RSPH9: variants seen among roughly 807,000 people sequenced by gnomAD.
The protein encoded by RSPH9 is radial spoke head protein 9 homolog.
In RSPH9, 27 loss-of-function variants were observed where a neutral mutation model predicts 27.0. The ratio of observed to expected loss-of-function variants is 1.00; its 90% CI spans 0.74 to 1.38. The LOEUF is 1.38. Among genes scored for constraint, RSPH9 ranks in the 40% most tolerant of loss-of-function variants. The pLI is 0.00. For missense variants in RSPH9, 347 were observed against 357.4 expected, an observed-to-expected ratio of 0.97 and a Z score of 0.24; for synonymous variants, 145 against 147.7, an observed-to-expected ratio of 0.98 and a Z score of 0.13.
chr6:43,664,558 C>T (rs1772956538), intron 4 of RSPH9, among the ~76,000 whole-genome samples: 1 of 152,162 alleles, frequency 6.6e-6, no homozygotes, highest in South Asian at 2.1e-4. Context: ...GCAAGGCAAA[C>T]CAGGAATCAT....
intron 1 of RSPH9, among the ~76,000 whole-genome samples, chr6:43,648,963 C>G (rs889373258): frequency 6.6e-6 from 1 of 152,066 alleles, no homozygotes; most frequent in African/African-American, 2.4e-5. Context: ...ATGGCCTTCT[C>G]CCAAGCAGTT....
chr6:43,651,524 G>T (rs565164074), intron 2 of RSPH9, among the ~76,000 whole-genome samples: 1 of 152,094 alleles, frequency 6.6e-6, no homozygotes, highest in East Asian at 1.9e-4. Context: ...CTCTATTTAG[G>T]GGACATTAAC....
rs780446246 is a variant in RSPH9 at position 43,645,263 on chromosome 6, C to G, written c.165C>G (p.Ala55=). ...LFWGRILGLV[A]DYYIAQGLSE... is the part of the protein sequence containing the mutation. ...GGGGCCGCATCCTTGGCCTCGTCGCCGATTACTACATCGCGCAGGGCCTGA... is the reference window on the plus strand; with the variant it reads ...GGGGCCGCATCCTTGGCCTCGTCGCGGATTACTACATCGCGCAGGGCCTGA... Residue 55 remains alanine, a synonymous_variant, in exon 1 of 5, where the codon GCC becomes GCG. Coordinates refer to ENST00000372163, the MANE Select transcript of RSPH9 (RefSeq NM_152732.5). The G allele has an allele frequency of 1.2e-6, 2 of 1,613,852 alleles. No homozygotes were observed. Among genetic ancestry groups the G allele is most frequent in the Non-Finnish European group, 8.5e-7 (1 of 1,180,012 alleles).
At position 43,645,345 on chromosome 6, in the gene RSPH9, G is replaced by T; in HGVS notation, c.227+20G>T. On this transcript the variant is annotated intron_variant, in intron 1 of 4. Coordinates refer to ENST00000372163, the MANE Select transcript of RSPH9 (RefSeq NM_152732.5). ...CTATAGGTGAGGAGGCCCCCGGGAC[G>T]GGCTCCCCAGAGGGTGGCTACCTGG... is the stretch of plus-strand genomic sequence containing the variant. 2 of 1,598,178 alleles carry T rather than the reference G, an allele frequency of 1.3e-6. No individual in the cohort carries two copies. The highest frequency in any genetic ancestry group is 2.2e-5 in the East Asian group (1 of 44,750).
At chr6:43,661,743 ATTG>A (rs1337727454) in intron 4 of RSPH9, among the ~76,000 whole-genome samples, 2 of 151,300 alleles carry the variant, frequency 1.3e-5, no homozygotes, top group African/African-American at 4.9e-5. Context: ...TTAAAAATCT[ATTG>A]TTTAGTGTAG....
intron 2 of RSPH9, among the ~76,000 whole-genome samples, chr6:43,652,656 C>T (rs1771597522): frequency 6.6e-6 from 1 of 151,152 alleles, no homozygotes; most frequent in African/African-American, 2.4e-5. Context: ...CAACTCCTGA[C>T]CTCGGGTGAT....
intron 1 of RSPH9, among the ~76,000 whole-genome samples, chr6:43,648,327 A>G (rs1342673230): frequency 1.3e-5 from 2 of 152,194 alleles, no homozygotes; most frequent in Non-Finnish European, 2.9e-5. Flanking sequence ...GGTCAGGGAT[A>G]GCCTCTTTGA....
Position 43,650,395 on chromosome 6 carries a change from G to A in RSPH9, c.248G>A (p.Ser83Asn), listed in dbSNP as rs367856581. Residue 83 changes from serine (S) to asparagine (N), a missense_variant, in exon 2 of 5, where the codon AGC becomes AAC. Ser to Asn is a conservative substitution (Grantham distance 46). Coordinates refer to ENST00000372163, the MANE Select transcript of RSPH9 (RefSeq NM_152732.5). ...TLYSLNCTEW[S>N]LLPPATEEMV... ...GGCAGCCTGAACTGCACAGAGTGGA[G>A]CCTCTTGCCCCCTGCCACAGAGGAG... The A allele has an allele frequency of 1.9e-6, 3 of 1,613,460 alleles. No homozygotes were observed. The highest frequency in any genetic ancestry group is 4.5e-5 in the East Asian group (2 of 44,884).
intron 3 of RSPH9, 149 bp downstream of exon 3, chr6:43,655,840 GACCT>G: frequency 2.1e-6 from 2 of 951,952 alleles, no homozygotes; most frequent in Non-Finnish European, 3.2e-6. Context: ...TGTGCCCAGT[GACCT>G]GGCACCAGTG....
At chr6:43,656,876 C>T (rs1031837071) in intron 4 of RSPH9, among the ~76,000 whole-genome samples, 153 bp downstream of exon 4, 2 of 152,072 alleles carry the variant, frequency 1.3e-5, no homozygotes, top group African/African-American at 4.8e-5. Context: ...TCCCCAGGGC[C>T]CAGCTTATAG....
intron 4 of RSPH9, among the ~76,000 whole-genome samples, chr6:43,669,139 C>T (rs983666614): frequency 3.9e-5 from 6 of 152,158 alleles, no homozygotes; most frequent in African/African-American, 1.2e-4. Context: ...GTGTTCCAGC[C>T]GGAGCCCCGC....
chr6:43,663,017 C>T (rs1772791721), intron 4 of RSPH9, among the ~76,000 whole-genome samples: 1 of 151,632 alleles, frequency 6.6e-6, no homozygotes. Context: ...GGGCTGGTTT[C>T]AAACTCCTGC....
intron 4 of RSPH9, among the ~76,000 whole-genome samples, chr6:43,667,371 A>C (rs1290754797): frequency 1.3e-5 from 2 of 152,222 alleles, no homozygotes; most frequent in Non-Finnish European, 2.9e-5. Context: ...GCTCCTTCCC[A>C]AGCAATTCCT....
At chr6:43,653,686 A>C (rs1771721071) in intron 2 of RSPH9, among the ~76,000 whole-genome samples, 1 of 151,976 alleles carries the variant, frequency 6.6e-6, no homozygotes, top group Non-Finnish European at 1.5e-5. Flanking sequence ...TGATTGACTT[A>C]ATCTTCCTGA....
chr6:43,669,471 G>A (rs886612149), intron 4 of RSPH9, among the ~76,000 whole-genome samples: 6 of 152,236 alleles, frequency 3.9e-5, no homozygotes, highest in South Asian at 2.1e-4. Context: ...TGAGTTGTGA[G>A]GCTGCAGGGT....
chr6:43,651,437 G>A (rs536353685), intron 2 of RSPH9, among the ~76,000 whole-genome samples: 6 of 152,190 alleles, frequency 3.9e-5, no homozygotes, highest in East Asian at 1.9e-4. Context: ...TAATAAATCC[G>A]CATGTACAAA....
chr6:43,658,633 C>T (rs556132049), intron 4 of RSPH9, among the ~76,000 whole-genome samples: 511 of 152,034 alleles, frequency 3.4e-3, no homozygotes, highest in Non-Finnish European at 5.3e-3. Context: ...CTCCACCTCC[C>T]GGATTCATGC....
intron 1 of RSPH9, among the ~76,000 whole-genome samples, chr6:43,646,627 C>A (rs531734704): frequency 1.4e-5 from 2 of 146,028 alleles, no homozygotes; most frequent in Admixed American, 6.9e-5. Context: ...GCAGTCCATT[C>A]GGCCAGCCTG....
chr6:43,670,595 A>T (rs1359433575), intron 4 of RSPH9, among the ~76,000 whole-genome samples, 194 bp from the exon 5 acceptor site: 1 of 152,206 alleles, frequency 6.6e-6, no homozygotes, highest in Non-Finnish European at 1.5e-5. Context: ...GAGTGAGACC[A>T]TGTCTCTTAA....
Sources: allele counts gnomAD v4.1 joint callset (sites outside exome capture counted in the v4.1 genomes callset), GRCh38; gene constraint gnomAD v4.1.1; transcripts MANE v1.5; gene names NCBI Gene and HGNC (gene_info 2026-07-23, HGNC 2026-07-21).